The following LRMDA variants were observed in gnomAD, a reference collection of about 807,000 sequenced individuals.
The protein encoded by LRMDA is leucine-rich melanocyte differentiation-associated protein.
Under a neutral mutation model 29.8 loss-of-function variants are expected in LRMDA, and 18 were observed. The observed-to-expected ratio is 0.60, with a 90% confidence interval of 0.42 to 0.90. The LOEUF is 0.90. Ranked by LOEUF, LRMDA falls within the 40% of genes least tolerant of loss-of-function variation. The pLI is 0.00. For synonymous variants in LRMDA, 125 were observed against 109.4 expected (o/e 1.14, Z -0.89); for missense variants, 273 against 273.9 (o/e 1.00, Z 0.02).
At chr10:76,295,852 T>A (rs4746385) in intron 5 of LRMDA, among the ~76,000 whole-genome samples, 14,246 of 152,186 alleles carry the variant, frequency 0.094, 1,155 homozygotes, top group African/African-American at 0.22. Context: ...ATTTCCTTCC[T>A]AAAGTCACCT....
chr10:76,388,810 A>G (rs147113324), intron 6 of LRMDA, among the ~76,000 whole-genome samples: 181 of 152,326 alleles, frequency 1.2e-3, no homozygotes, highest in African/African-American at 4.0e-3. Context: ...AATCCTCACT[A>G]CAATTCATGA....
intron 2 of LRMDA, among the ~76,000 whole-genome samples, chr10:75,443,895 T>C (rs1285526952): frequency 6.6e-6 from 1 of 152,178 alleles, no homozygotes; most frequent in Non-Finnish European, 1.5e-5. Flanking sequence ...TTTTTTTATG[T>C]GGCTGGATTT....
intron 2 of LRMDA, among the ~76,000 whole-genome samples, chr10:75,685,246 A>G (rs1374070165): frequency 6.6e-6 from 1 of 152,196 alleles, no homozygotes; most frequent in African/African-American, 2.4e-5. Context: ...TTGAAAAAAA[A>G]AAGGTGCCTC....
At chr10:76,292,354 G>T (rs1840352433) in intron 5 of LRMDA, among the ~76,000 whole-genome samples, 1 of 152,298 alleles carries the variant, frequency 6.6e-6, no homozygotes, top group Admixed American at 6.5e-5. Context: ...CAAGCTCACA[G>T]AGCTGGGTGG....
intron 2 of LRMDA, among the ~76,000 whole-genome samples, chr10:75,446,502 T>C (rs757801105): frequency 5.9e-5 from 9 of 152,240 alleles, no homozygotes; most frequent in Admixed American, 1.3e-4. Context: ...CTCAGCGTTC[T>C]TTGGTATGAA....
At chr10:75,464,410 T>C (rs1410394257) in intron 2 of LRMDA, among the ~76,000 whole-genome samples, 2 of 152,342 alleles carry the variant, frequency 1.3e-5, no homozygotes, top group East Asian at 3.9e-4. Flanking sequence ...CACTAGTTTA[T>C]GTGTATGGTA....
At chr10:76,095,092 C>G (rs1849293033) in intron 5 of LRMDA, among the ~76,000 whole-genome samples, 1 of 152,154 alleles carries the variant, frequency 6.6e-6, no homozygotes, top group Non-Finnish European at 1.5e-5. Context: ...AGATAATGAA[C>G]AGTTACCTTT....
In LRMDA at chr10:76,557,246, A is replaced by C. The variant is rs747816453; in HGVS notation, c.639A>C (p.Lys213Asn). The C allele has an allele frequency of 6.2e-7, 1 of 1,614,160 alleles. No individual in the cohort carries two copies. The highest frequency in any genetic ancestry group is 8.5e-7 in the Non-Finnish European group (1 of 1,180,012). Reference protein sequence around the residue: ...LGKCRYVYYGKNSEGNRFIRD... With the variant: ...LGKCRYVYYGNNSEGNRFIRD... The stretch of plus-strand genomic sequence containing the variant: ...AGTGTCGCTACGTTTACTATGGGAA[A>C]AACTCAGAGGGCAACAGGTTTATCC... Residue 213 changes from lysine to asparagine, a missense_variant, in exon 7 of 7, where the codon AAA (lysine) becomes AAC (asparagine). By Grantham distance (94) the Lys-to-Asn change is moderately conservative (BLOSUM62 0). Transcript: ENST00000611255.
intron 2 of LRMDA, among the ~76,000 whole-genome samples, chr10:75,665,914 T>C (rs1841816367): frequency 6.6e-6 from 1 of 152,192 alleles, no homozygotes; most frequent in African/African-American, 2.4e-5. Flanking sequence ...CAGCTTTATA[T>C]CCATTTGTAA....
intron 2 of LRMDA, among the ~76,000 whole-genome samples, chr10:75,966,342 T>C (rs1445298692): frequency 1.3e-5 from 2 of 152,186 alleles, no homozygotes; most frequent in African/African-American, 2.4e-5. Context: ...ATCTGTAAAA[T>C]GAGGGTGAAA....
intron 2 of LRMDA, among the ~76,000 whole-genome samples, chr10:76,035,194 C>T (rs1848220293): frequency 6.6e-6 from 1 of 150,492 alleles, no homozygotes; most frequent in Admixed American, 6.6e-5. Flanking sequence ...ACACTTCTTT[C>T]AAAAATTAAG....
At chr10:76,157,282 C>A (rs906510854) in intron 5 of LRMDA, among the ~76,000 whole-genome samples, 2 of 151,988 alleles carry the variant, frequency 1.3e-5, no homozygotes, top group African/African-American at 4.8e-5. Flanking sequence ...TGAATTTTTG[C>A]CATAGTATAT....
chr10:76,022,664 G>T (rs1400042018), intron 2 of LRMDA, among the ~76,000 whole-genome samples: 1 of 152,124 alleles, frequency 6.6e-6, no homozygotes, highest in Non-Finnish European at 1.5e-5. Flanking sequence ...TCCTTACTTT[G>T]CTAGGAAAGC....
chr10:75,980,402 G>A lies in LRMDA; in HGVS notation c.132-55606G>A, dbSNP rs558571820. 3.3e-5 allele frequency among the ~76,000 whole-genome samples: 5 copies of A among 152,270 alleles called. No individual in the cohort carries two copies. In the South Asian group the frequency reaches 6.2e-4, roughly 19 times the overall value. ...GTCAATACTGTTGAATACATGAATCGCCTACCAGGGGCCCTTCGGATATGC... is the reference window on the plus strand; with the variant it reads ...GTCAATACTGTTGAATACATGAATCACCTACCAGGGGCCCTTCGGATATGC... On this transcript the variant is annotated intron_variant, in intron 2 of 6. Transcript: ENST00000611255.
intron 2 of LRMDA, among the ~76,000 whole-genome samples, chr10:75,918,518 C>T (rs1845972571): frequency 6.6e-6 from 1 of 152,056 alleles, no homozygotes; most frequent in Non-Finnish European, 1.5e-5. Context: ...TAGGACAGCA[C>T]CAAGGGGATG....
At chr10:75,778,744 G>A (rs1439671686) in intron 2 of LRMDA, among the ~76,000 whole-genome samples, 1 of 152,170 alleles carries the variant, frequency 6.6e-6, no homozygotes. Flanking sequence ...TCACTATCTT[G>A]TCACTATTTC....
chr10:75,492,983 G>A (rs1334242985), intron 2 of LRMDA, among the ~76,000 whole-genome samples: 4 of 152,140 alleles, frequency 2.6e-5, no homozygotes, highest in Non-Finnish European at 5.9e-5. Context: ...GAGGCTTTCC[G>A]CTGCTGTAAA....
At chr10:75,507,395 A>G (rs559042745) in intron 2 of LRMDA, among the ~76,000 whole-genome samples, 102 of 152,240 alleles carry the variant, frequency 6.7e-4, no homozygotes, top group Admixed American at 1.4e-3. Flanking sequence ...TCTTTTCTTA[A>G]TCATGAATTA....
intron 2 of LRMDA, among the ~76,000 whole-genome samples, chr10:76,030,036 C>T (rs1848123184): frequency 6.6e-6 from 1 of 152,176 alleles, no homozygotes; most frequent in Non-Finnish European, 1.5e-5. Context: ...GCTGGGACTA[C>T]AGGCTCACAC....
Sources: gnomAD v4.1 joint callset for allele counts (sites outside exome capture counted in the v4.1 genomes callset) on GRCh38, gnomAD v4.1.1 for gene constraint, MANE v1.5 for transcripts, NCBI Gene and HGNC (gene_info 2026-07-23, HGNC 2026-07-21) for gene names.